ADGRL2: variants seen among roughly 807,000 people sequenced by gnomAD.
The protein encoded by ADGRL2 is adhesion G protein-coupled receptor L2.
ADGRL2 carries 44 observed loss-of-function variants against 157.4 expected under a neutral mutation model. The observed-to-expected ratio is 0.28, with a 90% CI of 0.22 to 0.36. ADGRL2 has a LOEUF of 0.36. Among genes scored for constraint, ADGRL2 ranks in the 10% least tolerant of loss-of-function variants. The pLI is 1.00. For synonymous variants in ADGRL2, 585 were observed against 624.7 expected, an observed-to-expected ratio of 0.94 and a Z score of 0.95; for missense variants, 1,510 against 1,768.9, an observed-to-expected ratio of 0.85 and a Z score of 2.63.
intron 3 of ADGRL2, among the ~76,000 whole-genome samples, chr1:81,663,976 T>C (rs2082708043): frequency 6.6e-6 from 1 of 152,190 alleles, no homozygotes. Context: ...TATCATGTGT[T>C]TACAAAGCTA....
chr1:81,503,337 C>T (rs1355522990), intron 2 of ADGRL2: 1 of 1,614,006 alleles, frequency 6.2e-7, no homozygotes, highest in Non-Finnish European at 8.5e-7. Context: ...CTGTGGTCCA[C>T]CTCATCACGG....
chr1:81,489,378 G>C lies in ADGRL2; in HGVS notation c.-248+44289G>C, dbSNP rs543991770. Among the ~76,000 whole-genome samples the C allele has an allele frequency of 2.6e-5, 4 of 152,204 alleles. No individual in the cohort carries two copies. The East Asian group carries it at 5.8e-4, about 22-fold the overall frequency. The stretch of plus-strand genomic sequence containing the variant: ...CACATTTGAGCAGACAGAAGAATCA[G>C]CAAACTTGAAGACAGGACAATGGAA... On this transcript the variant is annotated intron_variant, in intron 2 of 24. Transcript: ENST00000370721.
At chr1:81,978,630 C>T (rs1660821824) in intron 17 of ADGRL2, among the ~76,000 whole-genome samples, 1 of 151,734 alleles carries the variant, frequency 6.6e-6, no homozygotes, top group Admixed American at 6.6e-5. Flanking sequence ...CTTAGCTCTG[C>T]TCCTAAACTC....
chr1:81,679,862 C>CA (rs907912955), intron 3 of ADGRL2, among the ~76,000 whole-genome samples: 8 of 151,610 alleles, frequency 5.3e-5, no homozygotes, highest in African/African-American at 1.2e-4. Flanking sequence ...AAGCAGAGAC[C>CA]AAAAAAAATC....
At chr1:81,362,110 C>A (rs2075989914) in intron 1 of ADGRL2, among the ~76,000 whole-genome samples, 1 of 151,852 alleles carries the variant, frequency 6.6e-6, no homozygotes, top group Non-Finnish European at 1.5e-5. Context: ...TTTATTTGGC[C>A]CTCCATGGGA....
chr1:81,802,132 C>G (rs10874271), intron 1 of ADGRL2, among the ~76,000 whole-genome samples: 87,565 of 150,124 alleles, frequency 0.58, 25,743 homozygotes, highest in East Asian at 0.69. Context: ...CGGCCGGCCT[C>G]GGCCCTCTCC....
intron 1 of ADGRL2, among the ~76,000 whole-genome samples, chr1:81,716,574 G>T (rs1339794284): frequency 6.6e-6 from 1 of 151,992 alleles, no homozygotes; most frequent in Admixed American, 6.6e-5. Flanking sequence ...GGCACTTTTG[G>T]AGAAAAATCT....
intron 2 of ADGRL2, among the ~76,000 whole-genome samples, chr1:81,865,939 A>T (rs147370536): frequency 1.3e-5 from 2 of 152,236 alleles, no homozygotes; most frequent in Non-Finnish European, 2.9e-5. Flanking sequence ...GCCAACAGTC[A>T]TAAAATAGGG....
chr1:81,450,996 C>T (rs1375964286), intron 2 of ADGRL2, among the ~76,000 whole-genome samples: 3 of 152,120 alleles, frequency 2.0e-5, no homozygotes, highest in Non-Finnish European at 4.4e-5. Context: ...TGGCTCTTTA[C>T]TTTCAAATTT....
intron 3 of ADGRL2, among the ~76,000 whole-genome samples, chr1:81,918,923 A>T (rs2094918977): frequency 6.6e-6 from 1 of 151,906 alleles, no homozygotes; most frequent in South Asian, 2.1e-4. Context: ...TTGGTATCTA[A>T]TTTTCTATAT....
Position 81,669,730 on chromosome 1 carries a change from C to G in ADGRL2, c.-143+88750C>G, listed in dbSNP as rs113856133. Among the ~76,000 whole-genome samples the G allele has an allele frequency of 7.0e-3, 1,069 of 152,074 alleles. 9 individuals carry two copies. The highest frequency in any genetic ancestry group is 0.024 in the African/African-American group (1,005 of 41,484). Reference sequence around the variant, plus strand: ...GGCCAAGGCGGGCGGATCATGAGGTCAGGAGATCGAGACCATCCTGGCTAA... The same window carrying G: ...GGCCAAGGCGGGCGGATCATGAGGTGAGGAGATCGAGACCATCCTGGCTAA... On this transcript the variant is annotated intron_variant, in intron 3 of 24. Coordinates refer to the ADGRL2 transcript ENST00000370721.
chr1:81,508,723 A>G (rs559311617), intron 2 of ADGRL2, among the ~76,000 whole-genome samples: 1 of 152,186 alleles, frequency 6.6e-6, no homozygotes, highest in African/African-American at 2.4e-5. Context: ...CAGAATACAT[A>G]ATAGGGAACA....
rs376600105 is a variant in ADGRL2 at position 81,837,030 on chromosome 1, G to A, written c.46G>A (p.Val16Ile). The stretch of plus-strand genomic sequence containing the variant: ...AATGCGAAGTCTGTGGTTTATCATT[G>A]TAATCAGCTTCTTACCAAATACAGA... ...CRMRSLWFII[V>I]ISFLPNTEGF... The change falls in exon 2 of 24, where the codon GTA becomes ATA. Residue 16 changes from valine (V) to isoleucine (I), a missense_variant. Coordinates refer to ENST00000686636, the MANE Select transcript of ADGRL2 (RefSeq NM_001366006.2). The A allele has an allele frequency of 3.1e-6, 5 of 1,592,680 alleles. No homozygotes were observed. Among genetic ancestry groups the A allele is most frequent in the Non-Finnish European group, 4.3e-6 (5 of 1,170,900 alleles).
intron 23 of ADGRL2, among the ~76,000 whole-genome samples, chr1:81,988,697 CTAATGA>C (rs1663891590): frequency 6.6e-6 from 1 of 151,942 alleles, no homozygotes. Flanking sequence ...CATTTTTTTG[CTAATGA>C]TAATTTGCCC....
At chr1:81,404,849 A>T (rs1027911666) in intron 1 of ADGRL2, among the ~76,000 whole-genome samples, 1 of 152,212 alleles carries the variant, frequency 6.6e-6, no homozygotes, top group African/African-American at 2.4e-5. Context: ...AAAGATATGT[A>T]GCATCTCCTT....
At chr1:81,466,133 G>T (rs12036623) in intron 2 of ADGRL2, among the ~76,000 whole-genome samples, 1,556 of 152,272 alleles carry the variant, frequency 0.01, 29 homozygotes, top group East Asian at 0.067. Context: ...GACCATTATG[G>T]CTGCTTTGTC....
intron 1 of ADGRL2, among the ~76,000 whole-genome samples, chr1:81,819,361 A>G (rs2090750107): frequency 6.6e-6 from 1 of 152,132 alleles, no homozygotes; most frequent in Admixed American, 6.6e-5. Flanking sequence ...AGTGGAAGGG[A>G]GAAGGAATGA....
chr1:81,985,229 C>A, intron 20 of ADGRL2, 30 bp from the exon 21 acceptor site: 2 of 1,313,718 alleles, frequency 1.5e-6, no homozygotes, highest in Non-Finnish European at 1.1e-6. Flanking sequence ...ACTAACAAAA[C>A]ATATTTGTCT....
intron 1 of ADGRL2, among the ~76,000 whole-genome samples, chr1:81,316,713 G>A (rs1660131646): frequency 6.6e-6 from 1 of 152,142 alleles, no homozygotes; most frequent in Admixed American, 6.6e-5. Context: ...AGAAATGAAA[G>A]CTGGATGATC....
Sources: allele counts gnomAD v4.1 joint callset (sites outside exome capture counted in the v4.1 genomes callset), GRCh38; gene constraint gnomAD v4.1.1; transcripts MANE v1.5; gene names NCBI Gene and HGNC (gene_info 2026-07-23, HGNC 2026-07-21).